ST6GALNAC6: variants seen among roughly 807,000 people sequenced by gnomAD.
ST6GALNAC6 encodes the protein ST6 N-acetylgalactosaminide alpha-2,6-sialyltransferase 6.
In ST6GALNAC6, 19 loss-of-function variants were observed where a neutral mutation model predicts 34.3. That is an observed-to-expected ratio of 0.55 (90% CI 0.39 to 0.81). The LOEUF (loss-of-function observed/expected upper bound fraction) is 0.81. ST6GALNAC6 is among the 40% of genes least tolerant of loss of function. ST6GALNAC6 has a pLI of 0.00. For synonymous variants in ST6GALNAC6, 185 were observed against 182.1 expected, an observed-to-expected ratio of 1.02 and a Z score of -0.13; for missense variants, 377 against 467.7, an observed-to-expected ratio of 0.81 and a Z score of 1.79.
Position 127,899,590 on chromosome 9 carries a change from G to T in ST6GALNAC6, c.-117C>A, listed in dbSNP as rs1465701454. 2 of 981,372 alleles carry T rather than the reference G, an allele frequency of 2.0e-6. No homozygotes were observed. Among genetic ancestry groups the T allele is most frequent in the Non-Finnish European group, 2.4e-6 (2 of 828,420 alleles). The allele number at this position is 981,372 out of a possible 1,614,324, so 60.8% of individuals were successfully genotyped here. A position where few individuals can be genotyped will look rare whatever the true frequency, so the allele number is the denominator to read the frequency against. On this transcript the variant is annotated 5_prime_UTR_variant, in exon 1 of 7. Transcript: ENST00000373146. ...GAGCGCCGGGGTCCGCGCTCCTCAG[G>T]CCGCCCAGGCCTCGCCGCACCCGCG...
intron 2 of ST6GALNAC6, 60 bp from the exon 3 acceptor site, chr9:127,896,392 G>T: frequency 7.0e-7 from 1 of 1,432,396 alleles, no homozygotes; most frequent in East Asian, 2.3e-5. Context: ...CAAGCCAAAG[G>T]CTACACCTTC....
chr9:127,902,371 G>C (rs1008178543), upstream of ST6GALNAC6, among the ~76,000 whole-genome samples: 1 of 152,070 alleles, frequency 6.6e-6, no homozygotes, highest in Non-Finnish European at 1.5e-5. Flanking sequence ...ATGCTGGCCA[G>C]GCTGGTCTCG....
At position 127,894,670 on chromosome 9, in the gene ST6GALNAC6, C is replaced by T. The variant is rs779584534; in HGVS notation, c.139G>A (p.Val47Met). 15 of 1,614,044 alleles carry T rather than the reference C, an allele frequency of 9.3e-6. No homozygotes were observed. Among genetic ancestry groups the T allele is most frequent in the Middle Eastern group, 1.6e-4 (1 of 6,084 alleles). ...ATGGTGATGAGGGCAAAGAGGATCA[C>T]GAACACTGCTGACCGCTGCTCCTGG... is the stretch of plus-strand genomic sequence containing the variant. ...SNKEQRSAVF[V>M]ILFALITILI... Residue 47 changes from valine to methionine, a missense_variant, in exon 4 of 7, where the codon GTG becomes ATG. Val to Met is a conservative substitution (Grantham distance 21). Transcript: ENST00000373146.
chr9:127,906,298 G>A (rs1328677816), upstream of ST6GALNAC6, among the ~76,000 whole-genome samples: 1 of 152,078 alleles, frequency 6.6e-6, no homozygotes, highest in Non-Finnish European at 1.5e-5. Context: ...ATTTAAAGTT[G>A]GCAACAGCAG....
intron 2 of ST6GALNAC6, among the ~76,000 whole-genome samples, chr9:127,897,563 G>C (rs1830547252): frequency 6.6e-6 from 1 of 151,310 alleles, no homozygotes; most frequent in South Asian, 2.1e-4. Flanking sequence ...GCCCCTCACT[G>C]CCAGTCAGGG....
intron 2 of ST6GALNAC6, chr9:127,897,540 T>C (rs1830545332): frequency 1.6e-5 from 11 of 686,002 alleles, no homozygotes; most frequent in Non-Finnish European, 1.4e-5. Flanking sequence ...GGCTTCGGGT[T>C]TCTCCAGCGG....
chr9:127,902,733 C>T (rs199567340), upstream of ST6GALNAC6, among the ~76,000 whole-genome samples: 10 of 149,024 alleles, frequency 6.7e-5, no homozygotes, highest in East Asian at 1.4e-3. Context: ...GGACTACAGG[C>T]GTGTGCTACC....
rs1325804152 is a variant in ST6GALNAC6 at position 127,894,524 on chromosome 9, A to T, written c.285T>A (p.Ile95=). 1.2e-6 allele frequency: 2 copies of T among 1,613,944 alleles called. No individual in the cohort carries two copies. The highest frequency in any genetic ancestry group is 1.1e-5 in the South Asian group (1 of 91,076). Residue 95 remains isoleucine (I), a synonymous_variant, in exon 4 of 7, where the codon ATT becomes ATA. Transcript: ENST00000373146. The part of the protein sequence containing the change: ...KWSITDGYVP[I]LGNKTLPSRC... ...GCAGCTGCGCTACCTTGTTGCCGAG[A>T]ATGGGGACATAGCCGTCAGTGATGC...
At chr9:127,902,470 G>A (rs1830792015), upstream of ST6GALNAC6, among the ~76,000 whole-genome samples, 1 of 151,872 alleles carries the variant, frequency 6.6e-6, no homozygotes, top group Admixed American at 6.6e-5. Flanking sequence ...AGTGTTTAGT[G>A]TTAATAGTGG....
At chr9:127,899,015 G>A (rs918646587) in intron 1 of ST6GALNAC6, among the ~76,000 whole-genome samples, 4 of 152,226 alleles carry the variant, frequency 2.6e-5, no homozygotes, top group African/African-American at 9.6e-5. Flanking sequence ...CTCTGTTTGG[G>A]GGCTTTCCTT....
At position 127,890,732 on chromosome 9, in the gene ST6GALNAC6, C is replaced by T. The variant is rs529269043; in HGVS notation, c.609G>A (p.Ala203=). 173 of 1,613,616 alleles carry T rather than the reference C, an allele frequency of 1.1e-4. 1 individual carries two copies. The South Asian group carries it at 1.6e-3, about 15-fold the overall frequency. Reference sequence around the variant, plus strand: ...CTTCCATGTTGGGGAACACCAGGCCCGCTCGCTGGATCACACGCACGAGGC... The same window carrying T: ...CTTCCATGTTGGGGAACACCAGGCCTGCTCGCTGGATCACACGCACGAGGC... The part of the protein sequence containing the change: ...QGSLVRVIQR[A]GLVFPNMEAY... The change falls in exon 5 of 7, where the codon GCG becomes GCA. Residue 203 remains alanine, a synonymous_variant. Transcript: ENST00000373146. The surrounding 1 kb of genome is among the most constrained non-coding windows in gnomAD (Gnocchi z 4.3).
upstream of ST6GALNAC6, among the ~76,000 whole-genome samples, chr9:127,906,251 A>C (rs940431016): frequency 6.6e-6 from 1 of 152,100 alleles, no homozygotes; most frequent in Non-Finnish European, 1.5e-5. Context: ...GCAAAAAAAA[A>C]ACAAAAAACA....
chr9:127,905,162 C>T, intron 1 of ST6GALNAC6: 1 of 956,218 alleles, frequency 1.0e-6, no homozygotes. Context: ...GCTGCAGATT[C>T]AGGTGATCCC....
At chr9:127,906,563 T>A (rs761807333), upstream of ST6GALNAC6, among the ~76,000 whole-genome samples, 3 of 152,140 alleles carry the variant, frequency 2.0e-5, no homozygotes, top group Non-Finnish European at 2.9e-5. Context: ...TTCAGCTGAG[T>A]GGCCTCAGCT....
At chr9:127,901,353 G>A (rs1168594447), upstream of ST6GALNAC6, among the ~76,000 whole-genome samples, 1 of 152,112 alleles carries the variant, frequency 6.6e-6, no homozygotes, top group Non-Finnish European at 1.5e-5. Flanking sequence ...CACTTTGGGA[G>A]GGGAGGCAGG....
intron 6 of ST6GALNAC6, among the ~76,000 whole-genome samples, 163 bp from the exon 7 acceptor site, chr9:127,886,951 T>C (rs1829802057): frequency 7.9e-6 from 1 of 126,974 alleles, no homozygotes; most frequent in Non-Finnish European, 1.6e-5. Context: ...AGACTAGGTG[T>C]GTAACCACCA....
intron 1 of ST6GALNAC6, 183 bp downstream of exon 1, chr9:127,899,320 G>A: frequency 5.0e-6 from 1 of 199,206 alleles, no homozygotes; most frequent in Non-Finnish European, 9.0e-6. Context: ...GACAGACCCT[G>A]GGCGCGAGGA....
At chr9:127,888,721 G>A (rs149224523) in intron 5 of ST6GALNAC6, among the ~76,000 whole-genome samples, 1,794 of 152,080 alleles carry the variant, frequency 0.012, 14 homozygotes, top group South Asian at 0.033. Flanking sequence ...CAGGAGAATC[G>A]CTTGAACTTG....
chr9:127,893,856 T>G (rs1170565963), intron 4 of ST6GALNAC6, among the ~76,000 whole-genome samples: 1 of 152,128 alleles, frequency 6.6e-6, no homozygotes, highest in African/African-American at 2.4e-5. Flanking sequence ...GGAGGGTCAG[T>G]GAGGAAGGAG....
Sources: gnomAD v4.1 joint callset for allele counts (sites outside exome capture counted in the v4.1 genomes callset) on GRCh38, gnomAD v4.1.1 for gene constraint, Gnocchi (gnomAD v3.1) non-coding constraint, MANE v1.5 for transcripts, NCBI Gene and HGNC (gene_info 2026-07-23, HGNC 2026-07-21) for gene names.